The following EDIL3 variants were observed in gnomAD, a reference collection of about 807,000 sequenced individuals.
The protein encoded by EDIL3 is EGF-like repeat and discoidin I-like domain-containing protein 3.
In EDIL3, 37 loss-of-function variants were observed where a neutral mutation model predicts 67.4. That is an observed-to-expected ratio of 0.55 (90% CI 0.42 to 0.72). The LOEUF is 0.72. Among genes scored for constraint, EDIL3 ranks in the 30% least tolerant of loss-of-function variants. The pLI is 0.00. For synonymous variants in EDIL3, 195 were observed against 196.3 expected (o/e 0.99, Z 0.05); for missense variants, 527 against 586.3 (o/e 0.90, Z 1.04).
intron 1 of EDIL3, among the ~76,000 whole-genome samples, chr5:84,377,791 G>T (rs1645472624): frequency 6.6e-6 from 1 of 152,046 alleles, no homozygotes. Context: ...ACCTGTTTTG[G>T]AAAAGATAAA....
intron 1 of EDIL3, among the ~76,000 whole-genome samples, chr5:84,271,450 AATAAATAAATAT>A (rs1050259906): frequency 6.7e-6 from 1 of 150,118 alleles, no homozygotes; most frequent in African/African-American, 2.4e-5. Context: ...TAAATAAATA[AATAAATAAATAT>A]AAAATAAAGG....
At chr5:84,316,418 C>T (rs1235398320) in intron 1 of EDIL3, among the ~76,000 whole-genome samples, 1 of 152,018 alleles carries the variant, frequency 6.6e-6, no homozygotes, top group Non-Finnish European at 1.5e-5. Flanking sequence ...GGAGGAAGAT[C>T]TACAAAGCAA....
intron 4 of EDIL3, among the ~76,000 whole-genome samples, chr5:84,168,021 A>G (rs960067993): frequency 5.9e-5 from 9 of 152,192 alleles, no homozygotes; most frequent in African/African-American, 2.2e-4. Flanking sequence ...AAATCTCCTG[A>G]ATATCTAAGT....
chr5:84,104,710 T>G (rs569427704), intron 6 of EDIL3, among the ~76,000 whole-genome samples: 3 of 152,026 alleles, frequency 2.0e-5, no homozygotes, highest in Non-Finnish European at 4.4e-5. Context: ...TTTCTCAGTG[T>G]TGATCACTGT....
chr5:84,325,351 G>GATATAC (rs1347492980), intron 1 of EDIL3, among the ~76,000 whole-genome samples: 3 of 151,722 alleles, frequency 2.0e-5, no homozygotes, highest in African/African-American at 7.3e-5. Context: ...CTTCAAAGAA[G>GATATAC]ATATACAAAT....
intron 6 of EDIL3, among the ~76,000 whole-genome samples, chr5:84,067,905 T>C (rs1351161705): frequency 6.6e-6 from 1 of 152,184 alleles, no homozygotes. Context: ...CCTTGAACAA[T>C]GCTAAGTGGA....
At chr5:84,215,446 G>A (rs1744209818) in intron 3 of EDIL3, among the ~76,000 whole-genome samples, 1 of 152,062 alleles carries the variant, frequency 6.6e-6, no homozygotes, top group East Asian at 1.9e-4. Context: ...TAGAGATGGG[G>A]CTTCACTGTG....
intron 1 of EDIL3, among the ~76,000 whole-genome samples, chr5:84,326,802 TACCAC>T (rs1389149691): frequency 6.6e-6 from 1 of 151,976 alleles, no homozygotes; most frequent in Non-Finnish European, 1.5e-5. Flanking sequence ...TTTTTTTTCT[TACCAC>T]CTTCTACATT....
rs73769797 is a variant in EDIL3 at position 84,310,721 on chromosome 5, C to A, written c.68-56509G>T. Among the ~76,000 whole-genome samples, 5 of 152,278 alleles carry A rather than the reference C, an allele frequency of 3.3e-5. No individual in the cohort carries two copies. The South Asian group carries it at 6.2e-4, about 19-fold the overall frequency. ...ATTTTTTAAAATAGATATACACACCCAAACCTCACTTTGGTTGAGTTATAA... is the reference window on the plus strand; with the variant it reads ...ATTTTTTAAAATAGATATACACACCAAAACCTCACTTTGGTTGAGTTATAA... On this transcript the variant is annotated intron_variant, in intron 1 of 10. Coordinates refer to ENST00000296591, the MANE Select transcript of EDIL3 (RefSeq NM_005711.5).
chr5:84,300,462 G>A (rs1746135616), intron 1 of EDIL3, among the ~76,000 whole-genome samples: 1 of 152,082 alleles, frequency 6.6e-6, no homozygotes, highest in Non-Finnish European at 1.5e-5. Flanking sequence ...GGAAAGATGG[G>A]CACATCTTTA....
chr5:84,368,436 G>T lies in EDIL3; in HGVS notation c.67+15872C>A, dbSNP rs182680999. 1.8e-4 allele frequency among the ~76,000 whole-genome samples: 28 copies of T among 152,188 alleles called. No homozygotes were observed. The East Asian group carries it at 2.3e-3, about 13-fold the overall frequency. The stretch of plus-strand genomic sequence containing the variant: ...TAGAACTGAATATCCATATATAAAA[G>T]AATGAAGTTGAGCACTTACCTACAT... On this transcript the variant is annotated intron_variant, in intron 1 of 10. Transcript: ENST00000296591.
chr5:84,207,919 C>T (rs1186643821), intron 3 of EDIL3, among the ~76,000 whole-genome samples: 55 of 152,248 alleles, frequency 3.6e-4, no homozygotes, highest in African/African-American at 1.3e-3. Flanking sequence ...AACACTTAAA[C>T]GTTAGACCTA....
chr5:83,941,905 G>GT lies in EDIL3; in HGVS notation c.*1513dup, dbSNP rs1229524627. 1 of 151,904 alleles carries GT rather than the reference G, an allele frequency of 6.6e-6. No individual in the cohort carries two copies. The highest frequency in any genetic ancestry group is 2.4e-5 in the African/African-American group (1 of 41,398). 9.4% of individuals were successfully genotyped at this position (151,904 alleles called of 1,614,324 possible). A position where few individuals can be genotyped will look rare whatever the true frequency, so the allele number is the denominator to read the frequency against. The stretch of plus-strand genomic sequence containing the variant: ...CATATATACATCATTAAGAAATGCT[G>GT]TTAACACATGGACAGACAAGACAGT... On this transcript the variant is annotated 3_prime_UTR_variant, in exon 11 of 11. Coordinates refer to ENST00000296591, the MANE Select transcript of EDIL3 (RefSeq NM_005711.5).
At chr5:84,316,242 T>A (rs1338618908) in intron 1 of EDIL3, among the ~76,000 whole-genome samples, 2 of 152,032 alleles carry the variant, frequency 1.3e-5, no homozygotes, top group African/African-American at 4.8e-5. Context: ...AAAGACAGGA[T>A]CAAATTCACA....
chr5:84,112,272 C>T (rs1047717328), intron 5 of EDIL3, among the ~76,000 whole-genome samples: 26 of 152,006 alleles, frequency 1.7e-4, no homozygotes, highest in Admixed American at 1.0e-3. Context: ...TAAGCTACTA[C>T]AGTTGTCCAT....
chr5:84,154,693 C>CTTTTTTTTTTTTTTTT (rs397881707), intron 4 of EDIL3, among the ~76,000 whole-genome samples: 1 of 92,294 alleles, frequency 1.1e-5, no homozygotes, highest in Non-Finnish European at 2.0e-5. Flanking sequence ...TCTGCTTCTG[C>CTTTTTTTTTTTTTTTT]TTTTTTTTTT....
chr5:83,996,423 C>A (rs1198688437), intron 9 of EDIL3, among the ~76,000 whole-genome samples: 1 of 152,098 alleles, frequency 6.6e-6, no homozygotes, highest in African/African-American at 2.4e-5. Flanking sequence ...ATTGATGGTG[C>A]CAAAAAATGC....
At chr5:84,007,514 T>C (rs1158508936) in intron 9 of EDIL3, among the ~76,000 whole-genome samples, 1 of 152,084 alleles carries the variant, frequency 6.6e-6, no homozygotes, top group Non-Finnish European at 1.5e-5. Context: ...AACAGGTATA[T>C]AAAAAGGTTC....
At chr5:83,971,778 A>AGTT (rs1744798279) in intron 9 of EDIL3, among the ~76,000 whole-genome samples, 1 of 152,062 alleles carries the variant, frequency 6.6e-6, no homozygotes, top group African/African-American at 2.4e-5. Flanking sequence ...TCTATCAAGC[A>AGTT]GTTGCAAGAA....
Sources: allele counts gnomAD v4.1 joint callset (sites outside exome capture counted in the v4.1 genomes callset), GRCh38; gene constraint gnomAD v4.1.1; transcripts MANE v1.5; gene names NCBI Gene and HGNC (gene_info 2026-07-23, HGNC 2026-07-21).